The following PKHD1 variants were observed in gnomAD, a reference collection of about 807,000 sequenced individuals.
The protein encoded by PKHD1 is PKHD1 ciliary IPT domain containing fibrocystin/polyductin.
PKHD1 carries 291 observed loss-of-function variants against 412.0 expected under a neutral mutation model. The observed-to-expected ratio is 0.71, with a 90% CI of 0.64 to 0.78. PKHD1 has a LOEUF of 0.78. Ranked by LOEUF, PKHD1 falls within the 30% of genes least tolerant of loss-of-function variation. The pLI, the probability that PKHD1 is intolerant of heterozygous loss-of-function variation, is 0.00. For synonymous variants in PKHD1, 1,777 were observed against 1,821.5 expected, an observed-to-expected ratio of 0.98 and a Z score of 0.62; for missense variants, 4,825 against 4,950.7, an observed-to-expected ratio of 0.97 and a Z score of 0.76.
chr6:51,897,830 A>C (rs1240614194), intron 43 of PKHD1, among the ~76,000 whole-genome samples: 131 of 148,070 alleles, frequency 8.8e-4, no homozygotes, highest in Admixed American at 1.5e-3. Context: ...TCTACCAAGC[A>C]AATGGAAAAC....
rs1769231515 is a variant in PKHD1 at position 51,836,420 on chromosome 6, C to A, written c.8157G>T (p.Met2719Ile). Residue 2719 changes from methionine (M) to isoleucine (I), a missense_variant, in exon 51 of 67, where the codon ATG becomes ATT. Transcript: ENST00000371117. ...AATACTCACCTGAAATAGTTGGGGG[C>A]ATACCTTCCTTCACCCGGAGAATGA... Reference protein sequence around the residue: ...VQVILRVKEGMPPTISASTSA... With the variant: ...VQVILRVKEGIPPTISASTSA... The A allele has an allele frequency of 1.9e-6, 3 of 1,611,760 alleles. No homozygotes were observed. The highest frequency in any genetic ancestry group is 2.5e-6 in the Non-Finnish European group (3 of 1,177,902).
At chr6:51,796,667 G>T (rs367941780) in intron 52 of PKHD1, among the ~76,000 whole-genome samples, 2 of 152,002 alleles carry the variant, frequency 1.3e-5, no homozygotes, top group South Asian at 2.1e-4. Context: ...TGCTGCTTTA[G>T]CTGTGTCCCA....
chr6:51,872,404 T>G (rs1461390608), intron 46 of PKHD1, among the ~76,000 whole-genome samples: 1 of 69,364 alleles, frequency 1.4e-5, no homozygotes, highest in Non-Finnish European at 3.4e-5. Context: ...AATCTGAGTT[T>G]TTGTTTTTTG....
intron 12 of PKHD1, 146 bp from the exon 13 acceptor site, chr6:52,065,196 GAC>G (rs1363024031): frequency 1.3e-4 from 23 of 178,770 alleles, no homozygotes; most frequent in African/African-American, 5.5e-4. Context: ...GAGAGAGAGA[GAC>G]AGAGAGAGAG....
At chr6:51,827,980 GT>G (rs1209075923) in intron 52 of PKHD1, among the ~76,000 whole-genome samples, 1 of 152,032 alleles carries the variant, frequency 6.6e-6, no homozygotes, top group African/African-American at 2.4e-5. Flanking sequence ...AGTATCTCCA[GT>G]TTTTCCAAGC....
intron 36 of PKHD1, among the ~76,000 whole-genome samples, chr6:51,944,769 C>T (rs530976387): frequency 5.3e-5 from 8 of 152,260 alleles, no homozygotes; most frequent in African/African-American, 1.7e-4. Context: ...ATGGTCTTGA[C>T]GAATTGATTT....
intron 43 of PKHD1, among the ~76,000 whole-genome samples, chr6:51,889,197 C>A (rs1011036631): frequency 3.9e-5 from 6 of 152,084 alleles, no homozygotes; most frequent in African/African-American, 1.4e-4. Flanking sequence ...GTCACTCAAT[C>A]CCGGGAACAC....
At chr6:51,798,699 C>T (rs150763821) in intron 52 of PKHD1, among the ~76,000 whole-genome samples, 69 of 152,204 alleles carry the variant, frequency 4.5e-4, no homozygotes, top group African/African-American at 1.5e-3. Flanking sequence ...TTTTCCTGGA[C>T]GATATCCTAA....
At chr6:51,893,898 T>G (rs1779486485) in intron 43 of PKHD1, among the ~76,000 whole-genome samples, 1 of 152,188 alleles carries the variant, frequency 6.6e-6, no homozygotes. Flanking sequence ...TCAAATTAAA[T>G]GCATGTCTCC....
chr6:51,632,412 A>G (rs1038602000), intron 65 of PKHD1, among the ~76,000 whole-genome samples, 153 bp downstream of exon 65: 1 of 152,208 alleles, frequency 6.6e-6, no homozygotes, highest in Non-Finnish European at 1.5e-5. Context: ...TCTCTAATGT[A>G]TTAATTGAAC....
chr6:51,713,664 C>T (rs1780910345), intron 60 of PKHD1, among the ~76,000 whole-genome samples: 1 of 152,180 alleles, frequency 6.6e-6, no homozygotes, highest in Non-Finnish European at 1.5e-5. Context: ...GAGATTTACA[C>T]TCAAGATATG....
intron 54 of PKHD1, among the ~76,000 whole-genome samples, chr6:51,773,890 A>C (rs2151146141): frequency 6.6e-6 from 1 of 152,016 alleles, no homozygotes; most frequent in East Asian, 1.9e-4. Context: ...TCAGAAGATA[A>C]GAAAACTAAA....
chr6:51,672,493 A>T (rs1775168367), intron 60 of PKHD1, among the ~76,000 whole-genome samples: 3 of 152,206 alleles, frequency 2.0e-5, no homozygotes, highest in African/African-American at 7.2e-5. Context: ...CAAGGGGCGC[A>T]TGTAAGTGAA....
intron 52 of PKHD1, among the ~76,000 whole-genome samples, chr6:51,796,432 G>GTTTTTT (rs3062495): frequency 2.0e-5 from 3 of 149,068 alleles, no homozygotes; most frequent in Admixed American, 1.3e-4. Context: ...TATTTAATTA[G>GTTTTTT]TTTTTTTTTC....
At chr6:51,851,820 GTCTA>G (rs139311867) in intron 49 of PKHD1, among the ~76,000 whole-genome samples, 19,348 of 151,912 alleles carry the variant, frequency 0.13, 1,701 homozygotes, top group Non-Finnish European at 0.2. Flanking sequence ...CTAGCTAGCG[GTCTA>G]TCTATTTTGT....
intron 55 of PKHD1, among the ~76,000 whole-genome samples, chr6:51,769,889 A>T (rs1213453350): frequency 6.6e-6 from 1 of 151,590 alleles, no homozygotes; most frequent in Non-Finnish European, 1.5e-5. Flanking sequence ...ATTTTCTTGG[A>T]TATAAAAGTT....
At chr6:51,980,720 A>G (rs1265629056) in intron 35 of PKHD1, among the ~76,000 whole-genome samples, 1 of 152,260 alleles carries the variant, frequency 6.6e-6, no homozygotes, top group Non-Finnish European at 1.5e-5. Flanking sequence ...AATACTTATC[A>G]GACTATGATC....
chr6:51,867,778 C>T, intron 48 of PKHD1, 85 bp downstream of exon 48: 1 of 1,256,032 alleles, frequency 8.0e-7, no homozygotes, highest in Non-Finnish European at 1.2e-6. Context: ...ATCTAGAAAA[C>T]AATTTCCCTT....
intron 35 of PKHD1, among the ~76,000 whole-genome samples, chr6:52,001,539 C>T (rs1270411549): frequency 2.6e-5 from 4 of 151,780 alleles, no homozygotes; most frequent in Non-Finnish European, 5.9e-5. Flanking sequence ...ACGTCATTCT[C>T]CTGCCTCAGC....
Sources: gnomAD v4.1 joint callset for allele counts (sites outside exome capture counted in the v4.1 genomes callset) on GRCh38, gnomAD v4.1.1 for gene constraint, MANE v1.5 for transcripts, NCBI Gene and HGNC (gene_info 2026-07-23, HGNC 2026-07-21) for gene names.